The following NARS2 variants were observed in gnomAD, a reference collection of about 807,000 sequenced individuals.
NARS2 encodes the protein asparaginyl-tRNA synthetase 2, mitochondrial.
Under a neutral mutation model 62.9 loss-of-function variants are expected in NARS2, and 60 were observed. That is an observed-to-expected ratio of 0.95 (90% CI 0.77 to 1.18). The LOEUF is 1.18. Among genes scored for constraint, NARS2 ranks in the 50% most tolerant of loss-of-function variants. NARS2 has a pLI of 0.00. For missense variants in NARS2, 619 were observed against 576.4 expected, an observed-to-expected ratio of 1.07 and a Z score of -0.76; for synonymous variants, 196 against 200.0, an observed-to-expected ratio of 0.98 and a Z score of 0.17.
chr11:78,465,100 T>C (rs1003701093), intron 11 of NARS2, among the ~76,000 whole-genome samples: 6 of 152,134 alleles, frequency 3.9e-5, no homozygotes, highest in Non-Finnish European at 7.4e-5. Flanking sequence ...GGGCTGCAGG[T>C]CCCGAGCCCT....
At chr11:78,526,567 G>C (rs926044576) in intron 6 of NARS2, among the ~76,000 whole-genome samples, 3 of 152,144 alleles carry the variant, frequency 2.0e-5, no homozygotes, top group African/African-American at 7.2e-5. Flanking sequence ...TCCTAGAACT[G>C]TGCATATTAA....
chr11:78,443,773 A>G lies in NARS2; in HGVS notation c.1165-15T>C. ...ACAGCAGCAACCTAAGGAAAAAAAA[A>G]AAATTATTAGCATTATATTTTCAGG... is the stretch of plus-strand genomic sequence containing the variant. On this transcript the variant is annotated splice_polypyrimidine_tract_variant and intron_variant, in intron 11 of 13. Coordinates refer to ENST00000281038, the MANE Select transcript of NARS2 (RefSeq NM_024678.6). 16 of 1,580,170 alleles carry G rather than the reference A, an allele frequency of 1.0e-5. No individual in the cohort carries two copies. Among genetic ancestry groups the G allele is most frequent in the Non-Finnish European group, 1.4e-5 (16 of 1,151,296 alleles).
At position 78,520,772 on chromosome 11, in the gene NARS2, T is replaced by C. The variant is rs1441156626; in HGVS notation, c.689+8070A>G. On this transcript the variant is annotated intron_variant, in intron 6 of 13. Transcript: ENST00000281038. The stretch of plus-strand genomic sequence containing the variant: ...AAGTAAGAGTAAAATAGTAAGAAAA[T>C]AGGCCTGGCACAGTGGTTCATGCCT... Among the ~76,000 whole-genome samples, 4 of 152,160 alleles carry C rather than the reference T, an allele frequency of 2.6e-5. No individual in the cohort carries two copies. In the East Asian group the frequency reaches 7.7e-4, roughly 29 times the overall value.
intron 11 of NARS2, among the ~76,000 whole-genome samples, chr11:78,461,565 A>T (rs996989673): frequency 6.8e-6 from 1 of 148,142 alleles, no homozygotes; most frequent in Non-Finnish European, 1.5e-5. Context: ...ACTACAAAGA[A>T]GTAGGAGTAT....
intron 12 of NARS2, among the ~76,000 whole-genome samples, chr11:78,443,442 G>C (rs1857643153): frequency 6.6e-6 from 1 of 152,050 alleles, no homozygotes; most frequent in African/African-American, 2.4e-5. Context: ...TGTAAAAATG[G>C]GCAAATATCA....
Position 78,436,471 on chromosome 11 carries a change from G to T in NARS2, c.*199C>A. 1.7e-6 allele frequency: 1 copy of T among 580,224 alleles called. No homozygotes were observed. Among genetic ancestry groups the T allele is most frequent in the Non-Finnish European group, 3.0e-6 (1 of 333,396 alleles). The allele number at this position is 580,224 out of a possible 1,614,324, so 35.9% of individuals were successfully genotyped here. ...CCTTGCTATAAGTACCTCTTCTTGC[G>T]GGAGCTCATCCTTACGTGAAATACC... On this transcript the variant is annotated 3_prime_UTR_variant, in exon 14 of 14. Transcript: ENST00000281038.
intron 7 of NARS2, among the ~76,000 whole-genome samples, chr11:78,485,416 C>A (rs1335938571): frequency 2.0e-5 from 3 of 151,782 alleles, no homozygotes; most frequent in Non-Finnish European, 2.9e-5. Context: ...ACAAAAAAAA[C>A]TCTGGTCAGA....
chr11:78,538,418 T>C lies in NARS2; in HGVS notation c.595-9482A>G, dbSNP rs1484515486. 2.0e-5 allele frequency among the ~76,000 whole-genome samples: 3 copies of C among 151,928 alleles called. No homozygotes were observed. The East Asian group carries it at 5.8e-4, about 29-fold the overall frequency. On this transcript the variant is annotated intron_variant, in intron 5 of 13. Coordinates refer to ENST00000281038, the MANE Select transcript of NARS2 (RefSeq NM_024678.6). The stretch of plus-strand genomic sequence containing the variant: ...AGCTCTCAAAGAGCTTACATTCTAA[T>C]GGGGAAAAAAGAAAATAACATGTAA...
intron 4 of NARS2, among the ~76,000 whole-genome samples, chr11:78,561,830 C>T (rs1306524267): frequency 1.3e-5 from 2 of 151,958 alleles, no homozygotes; most frequent in Admixed American, 6.6e-5. Flanking sequence ...GAGGCTGAGG[C>T]GGGTGAATCA....
intron 2 of NARS2, among the ~76,000 whole-genome samples, chr11:78,570,403 G>T (rs971792271): frequency 1.3e-5 from 2 of 152,212 alleles, no homozygotes; most frequent in South Asian, 4.1e-4. Context: ...GGTTTGGGGG[G>T]TTTTTTGGAG....
At chr11:78,511,721 GAA>G (rs34758500) in intron 6 of NARS2, among the ~76,000 whole-genome samples, 66 of 141,734 alleles carry the variant, frequency 4.7e-4, no homozygotes, top group Admixed American at 9.1e-4. Flanking sequence ...CGTCTCCAAA[GAA>G]AAAAAAAAAA....
At chr11:78,465,009 C>T (rs927144317) in intron 11 of NARS2, among the ~76,000 whole-genome samples, 5 of 152,236 alleles carry the variant, frequency 3.3e-5, no homozygotes, top group Admixed American at 1.3e-4. Flanking sequence ...GACTGGGCGC[C>T]GTGGAGCAGG....
At chr11:78,490,627 G>A (rs894056193) in intron 7 of NARS2, among the ~76,000 whole-genome samples, 1 of 151,960 alleles carries the variant, frequency 6.6e-6, no homozygotes, top group African/African-American at 2.4e-5. Context: ...GACCAACCTG[G>A]GCAACCCCGT....
intron 6 of NARS2, among the ~76,000 whole-genome samples, chr11:78,494,991 C>T (rs1040542819): frequency 2.6e-5 from 4 of 152,078 alleles, no homozygotes; most frequent in African/African-American, 4.8e-5. Context: ...TCTGAAATCT[C>T]GCAGCTTTTC....
At chr11:78,463,114 G>A (rs923768186) in intron 11 of NARS2, among the ~76,000 whole-genome samples, 2 of 152,000 alleles carry the variant, frequency 1.3e-5, no homozygotes, top group South Asian at 4.2e-4. Flanking sequence ...GCCCAGGCTG[G>A]AGCACAGTGA....
chr11:78,438,392 G>A (rs1044902227), intron 13 of NARS2, among the ~76,000 whole-genome samples: 1 of 152,132 alleles, frequency 6.6e-6, no homozygotes, highest in Non-Finnish European at 1.5e-5. Context: ...GAGGCAGCGG[G>A]AAAGAGTACA....
intron 11 of NARS2, among the ~76,000 whole-genome samples, chr11:78,455,728 C>G (rs1858136246): frequency 6.6e-6 from 1 of 152,058 alleles, no homozygotes; most frequent in Non-Finnish European, 1.5e-5. Flanking sequence ...GATCAGGATT[C>G]TAATGAAGCT....
chr11:78,551,204 TGAG>T (rs1326445866), intron 5 of NARS2, among the ~76,000 whole-genome samples: 28 of 152,316 alleles, frequency 1.8e-4, no homozygotes, highest in Admixed American at 1.6e-3. Context: ...GTGCATAGCC[TGAG>T]GCAGACACGT....
rs559259395 is a variant in NARS2 at position 78,467,686 on chromosome 11, A to T, written c.1026+1561T>A. Among the ~76,000 whole-genome samples, 14 of 152,308 alleles carry T rather than the reference A, an allele frequency of 9.2e-5. No homozygotes were observed. In the East Asian group the frequency reaches 2.7e-3, roughly 29 times the overall value. On this transcript the variant is annotated intron_variant, in intron 10 of 13. Coordinates refer to ENST00000281038, the MANE Select transcript of NARS2 (RefSeq NM_024678.6). ...TGGGGCAAATGAGGTGATATTTGTCAAAGTGTATACACTTTCAGTTATAAG... is the reference window on the plus strand; with the variant it reads ...TGGGGCAAATGAGGTGATATTTGTCTAAGTGTATACACTTTCAGTTATAAG...
Sources: gnomAD v4.1 joint callset for allele counts (sites outside exome capture counted in the v4.1 genomes callset) on GRCh38, gnomAD v4.1.1 for gene constraint, MANE v1.5 for transcripts, NCBI Gene and HGNC (gene_info 2026-07-23, HGNC 2026-07-21) for gene names.